Variants in PIGT observed in about 807,000 individuals in gnomAD.
PIGT encodes GPI-anchor transamidase component PIGT.
In PIGT, 57 loss-of-function variants were observed where a neutral mutation model predicts 66.7. The ratio of observed to expected loss-of-function variants is 0.86; its 90% CI spans 0.69 to 1.07. PIGT has a LOEUF of 1.07. Among genes scored for constraint, PIGT ranks in the 50% least tolerant of loss-of-function variants. PIGT has a pLI of 0.00. For synonymous variants in PIGT, 362 were observed against 320.5 expected (o/e 1.13, Z -1.38); for missense variants, 725 against 740.4 (o/e 0.98, Z 0.24).
chr20:45,418,103 ATTAAT>A (rs1990100984), intron 2 of PIGT: 2 of 152,454 alleles, frequency 1.3e-5, no homozygotes, highest in African/African-American at 4.8e-5. Flanking sequence ...AGAAAAGAAC[ATTAAT>A]TTAATTTGAT....
At chr20:45,420,487 C>T in intron 7 of PIGT, 41 bp from the exon 8 acceptor site, 1 of 1,612,628 alleles carries the variant, frequency 6.2e-7, no homozygotes, top group East Asian at 2.2e-5. Context: ...GACCAGCCTA[C>T]CCTCTCTGCT....
At position 45,418,919 on chromosome 20, in the gene PIGT, A is replaced by G. The variant is rs765645991; in HGVS notation, c.433A>G (p.Ile145Val). 1.1e-5 allele frequency: 17 copies of G among 1,613,816 alleles called. No homozygotes were observed. Among genetic ancestry groups the G allele is most frequent in the East Asian group, 2.2e-5 (1 of 44,888 alleles). Residue 145 changes from isoleucine (I) to valine (V), a missense_variant, in exon 3 of 12, where the codon ATC becomes GTC. Physicochemically the swap from Ile to Val is conservative, Grantham distance 29. Coordinates refer to ENST00000279036, the MANE Select transcript of PIGT (RefSeq NM_015937.6). Reference sequence around the variant, plus strand: ...GATCTTCTGCGCCTCTCTCAACTTCATCGACTCCACCAACACAGTCACTCC... The same window carrying G: ...GATCTTCTGCGCCTCTCTCAACTTCGTCGACTCCACCAACACAGTCACTCC... ...SGIFCASLNF[I>V]DSTNTVTPTA...
At chr20:45,420,110 C>T (rs1712126758) in intron 5 of PIGT, 26 bp from the exon 6 acceptor site, 2 of 1,558,952 alleles carry the variant, frequency 1.3e-6, no homozygotes, top group Non-Finnish European at 1.8e-6. Flanking sequence ...TACCCCCTCA[C>T]TGCTGCCATC....
At chr20:45,421,626 C>G (rs745871702) in intron 9 of PIGT, 43 bp downstream of exon 9, 1 of 1,536,202 alleles carries the variant, frequency 6.5e-7, no homozygotes, top group East Asian at 2.3e-5. Flanking sequence ...CCCGCCCTCT[C>G]ATGTCCTCTC....
At position 45,426,085 on chromosome 20, in the gene PIGT, G is replaced by T; in HGVS notation, c.*259G>T. 1.8e-6 allele frequency: 1 copy of T among 551,006 alleles called. No individual in the cohort carries two copies. The highest frequency in any genetic ancestry group is 2.2e-5 in the South Asian group (1 of 45,826). The allele number at this position is 551,006 out of a possible 1,614,324, so 34.1% of individuals were successfully genotyped here. A position where few individuals can be genotyped will look rare whatever the true frequency, so the allele number is the denominator to read the frequency against. On this transcript the variant is annotated 3_prime_UTR_variant, in exon 12 of 12. Coordinates refer to ENST00000279036, the MANE Select transcript of PIGT (RefSeq NM_015937.6). ...GGTGCTCAATAAGCAAAAGTGGTCG[G>T]TGGCTGCTGTATTGGACAGCACAGA...
At chr20:45,421,107 G>A (rs1600813829) in intron 8 of PIGT, 1 of 540,216 alleles carries the variant, frequency 1.9e-6, no homozygotes. Flanking sequence ...CCCTTACCAA[G>A]GGAAAGAGCA....
Position 45,416,190 on chromosome 20 carries a change from C to G in PIGT, c.34C>G (p.Leu12Val). 1 of 1,587,366 alleles carries G rather than the reference C, an allele frequency of 6.3e-7. No homozygotes were observed. Among genetic ancestry groups the G allele is most frequent in the Non-Finnish European group, 8.6e-7 (1 of 1,168,078 alleles). The change falls in exon 1 of 12, where the codon CTG becomes GTG. Residue 12 changes from leucine to valine, a missense_variant. Around this residue, in one of 3 missense-constraint regions of PIGT, gnomAD observed 559 missense variants for 552.7 expected, o/e 1.01. Coordinates refer to ENST00000279036, the MANE Select transcript of PIGT (RefSeq NM_015937.6). ...AAAMPLALLV[L>V]LLLGPGGWCL... ...GGCTATGCCGCTTGCTCTGCTCGTCCTGTTGCTCCTGGGGCCCGGCGGCTG... is the reference window on the plus strand; with the variant it reads ...GGCTATGCCGCTTGCTCTGCTCGTCGTGTTGCTCCTGGGGCCCGGCGGCTG...
chr20:45,420,698 G>A lies in PIGT; in HGVS notation c.1033+5G>A. On this transcript the variant is annotated splice_donor_5th_base_variant and intron_variant, in intron 8 of 11. Coordinates refer to ENST00000279036, the MANE Select transcript of PIGT (RefSeq NM_015937.6). ...GGAAGAGACCCCCAGAGAATGGTGAGTGGGTGGTTGGTTGGACTGCTGGGT... is the reference window on the plus strand; with the variant it reads ...GGAAGAGACCCCCAGAGAATGGTGAATGGGTGGTTGGTTGGACTGCTGGGT... The A allele has an allele frequency of 6.2e-7, 1 of 1,613,958 alleles. No homozygotes were observed. Among genetic ancestry groups the A allele is most frequent in the Non-Finnish European group, 8.5e-7 (1 of 1,179,956 alleles).
At position 45,416,165 on chromosome 20, in the gene PIGT, G is replaced by T. The variant is rs750005377; in HGVS notation, c.9G>T (p.Ala3=). The change falls in exon 1 of 12, where the codon GCG becomes GCT. Residue 3 remains alanine (A), a synonymous_variant. Coordinates refer to ENST00000279036, the MANE Select transcript of PIGT (RefSeq NM_015937.6). The part of the protein sequence containing the change: MA[A]AMPLALLVLL... Reference sequence around the variant, plus strand: ...CGGAAGTAGCCGCAGGCATGGCGGCGGCTATGCCGCTTGCTCTGCTCGTCC... The same window carrying T: ...CGGAAGTAGCCGCAGGCATGGCGGCTGCTATGCCGCTTGCTCTGCTCGTCC... 8 of 1,564,930 alleles carry T rather than the reference G, an allele frequency of 5.1e-6. No homozygotes were observed. Among genetic ancestry groups the T allele is most frequent in the Non-Finnish European group, 6.0e-6 (7 of 1,157,122 alleles).
chr20:45,425,810 G>A lies in PIGT; in HGVS notation c.1721G>A (p.Gly574Asp). The change falls in exon 12 of 12, where the codon GGT (glycine) becomes GAT (aspartate). Residue 574 changes from glycine to aspartate, a missense_variant. Transcript: ENST00000279036. ...RLANLIRRAR[G>D]VPPL ...GCCAACCTTATCCGGCGCGCCCGAG[G>A]TGTCCCCCCACTCTGATTCTTGCCC... 1 of 1,613,722 alleles carries A rather than the reference G, an allele frequency of 6.2e-7. No individual in the cohort carries two copies. Among genetic ancestry groups the A allele is most frequent in the Non-Finnish European group, 8.5e-7 (1 of 1,179,838 alleles).
In PIGT at chr20:45,421,584, G is replaced by A; in HGVS notation, c.1234+1G>A. The A allele has an allele frequency of 6.2e-7, 1 of 1,613,858 alleles. No homozygotes were observed. The highest frequency in any genetic ancestry group is 8.5e-7 in the Non-Finnish European group (1 of 1,179,810). ...TCCAAGGGCAAGGAGAACAAACCAA[G>A]TGAGGACCTGAGTCCTGAACCAGGC... On this transcript the variant is annotated splice_donor_variant, in intron 9 of 11. Coordinates refer to ENST00000279036, the MANE Select transcript of PIGT (RefSeq NM_015937.6). LOFTEE classifies it high-confidence loss of function.
Position 45,421,694 on chromosome 20 carries a change from C to T in PIGT, c.1234+111C>T, listed in dbSNP as rs1315988957. ...TTCCTGAAGTACCTCTGAAAAGCTACACAGGCATAAAGAGTAAGGAATAGT... is the reference window on the plus strand; with the variant it reads ...TTCCTGAAGTACCTCTGAAAAGCTATACAGGCATAAAGAGTAAGGAATAGT... On this transcript the variant is annotated intron_variant, in intron 9 of 11. Coordinates refer to ENST00000279036, the MANE Select transcript of PIGT (RefSeq NM_015937.6). The T allele has an allele frequency of 3.6e-6, 3 of 831,260 alleles. No individual in the cohort carries two copies. In the African/African-American group the frequency reaches 5.1e-5, roughly 14 times the overall value. The allele number at this position is 831,260 out of a possible 1,614,324, so 51.5% of individuals were successfully genotyped here.
chr20:45,419,924 TC>T, intron 5 of PIGT: 1 of 605,390 alleles, frequency 1.7e-6, no homozygotes, highest in Non-Finnish European at 2.9e-6. Context: ...TAGAATCCAC[TC>T]CTAGGGTTGT....
In PIGT at chr20:45,419,552, T is replaced by C. The variant is rs1990216683; in HGVS notation, c.643T>C (p.Tyr215His). The C allele has an allele frequency of 6.2e-7, 1 of 1,614,122 alleles. No homozygotes were observed. Among genetic ancestry groups the C allele is most frequent in the African/African-American group, 1.3e-5 (1 of 75,048 alleles). ...LKADRLFHTS[Y>H]HSQAVHIRPV... ...GGCAGATCGCTTGTTCCACACCAGC[T>C]ACCACTCCCAGGCAGTGCATATCCG... Residue 215 changes from tyrosine (Y) to histidine (H), a missense_variant, in exon 5 of 12, where the codon TAC (tyrosine) becomes CAC (histidine). By Grantham distance (83) the Tyr-to-His change is moderately conservative (BLOSUM62 2). This residue lies in a region of PIGT where 559 missense variants were observed against 552.7 expected (regional missense o/e 1.01). Coordinates refer to ENST00000279036, the MANE Select transcript of PIGT (RefSeq NM_015937.6).
At position 45,420,553 on chromosome 20, in the gene PIGT, C is replaced by G; in HGVS notation, c.893C>G (p.Pro298Arg). The change falls in exon 8 of 12, where the codon CCA (proline) becomes CGA (arginine). Residue 298 changes from proline (P) to arginine (R), a missense_variant. By Grantham distance (103) the Pro-to-Arg change is moderately radical. Around this residue, in one of 3 missense-constraint regions of PIGT, gnomAD observed 559 missense variants for 552.7 expected, o/e 1.01. Transcript: ENST00000279036. ...NQDNETLEVH[P>R]PPTTTYQDVI... is the part of the protein sequence containing the mutation. ...GACAACGAGACATTAGAGGTGCACC[C>G]ACCCCCGACCACTACATATCAGGAC... 1 of 1,613,814 alleles carries G rather than the reference C, an allele frequency of 6.2e-7. No individual in the cohort carries two copies. The highest frequency in any genetic ancestry group is 8.5e-7 in the Non-Finnish European group (1 of 1,179,994).
In PIGT at chr20:45,424,201, C is replaced by T. The variant is rs759036243; in HGVS notation, c.1235-15C>T. On this transcript the variant is annotated splice_polypyrimidine_tract_variant and intron_variant, in intron 9 of 11. Transcript: ENST00000279036. ...ACCCCAGGAAAGAGATGTGGGTGAC[C>T]TTGCATGTCTCCAGGTTACATCCAC... The T allele has an allele frequency of 8.1e-6, 13 of 1,612,920 alleles. No homozygotes were observed. In the African/African-American group the frequency reaches 1.5e-4, roughly 18 times the overall value.
At position 45,419,050 on chromosome 20, in the gene PIGT, C is replaced by T. The variant is rs1990169787; in HGVS notation, c.493+71C>T. 5 of 1,586,860 alleles carry T rather than the reference C, an allele frequency of 3.2e-6. 1 individual carries two copies. In the South Asian group the frequency reaches 3.4e-5, roughly 11 times the overall value. On this transcript the variant is annotated intron_variant, in intron 3 of 11. Transcript: ENST00000279036. ...CCCAAACCTTTGCCTCCTTTTCCCT[C>T]AGTTTCCTGCTTCCTCAGCCTGGGC...
intron 9 of PIGT, chr20:45,423,885 G>T (rs1437107552): frequency 1.3e-5 from 4 of 315,288 alleles, no homozygotes; most frequent in Non-Finnish European, 2.4e-5. Context: ...CACATTTTTG[G>T]CAAGAAAAAT....
At chr20:45,422,381 T>C (rs1397377958) in intron 9 of PIGT, 1 of 152,144 alleles carries the variant, frequency 6.6e-6, no homozygotes, top group Non-Finnish European at 1.5e-5. Context: ...ATCTTCTCCT[T>C]TGGAAAATTT....
Sources: allele counts gnomAD v4.1 joint callset, GRCh38; gene constraint gnomAD v4.1.1; regional missense constraint gnomAD v4.1.1; transcripts MANE v1.5; gene names NCBI Gene and HGNC (gene_info 2026-07-23, HGNC 2026-07-21).